The following SYNPR variants were observed in gnomAD, a reference collection of about 807,000 sequenced individuals.
SYNPR encodes synaptoporin.
In SYNPR, 23 loss-of-function variants were observed where a neutral mutation model predicts 32.9. The observed-to-expected ratio is 0.70, with a 90% CI of 0.50 to 0.99. The LOEUF is 0.99. Ranked by LOEUF, SYNPR falls within the 50% of genes least tolerant of loss-of-function variation. The pLI is 0.00. For missense variants in SYNPR, 318 were observed against 349.3 expected (o/e 0.91, Z 0.71); for synonymous variants, 146 against 135.9 (o/e 1.07, Z -0.52).
At chr3:63,303,164 G>A (rs2086874857) in intron 2 of SYNPR, among the ~76,000 whole-genome samples, 1 of 151,554 alleles carries the variant, frequency 6.6e-6, no homozygotes, top group Non-Finnish European at 1.5e-5. Flanking sequence ...ATTCTACCTG[G>A]TAATTCTGAA....
intron 3 of SYNPR, among the ~76,000 whole-genome samples, chr3:63,498,454 T>C (rs559176226): frequency 1.3e-5 from 2 of 152,210 alleles, no homozygotes; most frequent in Admixed American, 6.5e-5. Context: ...AGACCAAGAC[T>C]GTGTCAGATT....
chr3:63,340,296 C>G (rs2087348055), intron 2 of SYNPR, among the ~76,000 whole-genome samples: 1 of 151,574 alleles, frequency 6.6e-6, no homozygotes, highest in Admixed American at 6.6e-5. Flanking sequence ...TTTGTGTGGC[C>G]ATAAGATTTT....
At chr3:63,234,882 T>C (rs573188917) in intron 1 of SYNPR, among the ~76,000 whole-genome samples, 9 of 152,356 alleles carry the variant, frequency 5.9e-5, no homozygotes, top group African/African-American at 2.2e-4. Flanking sequence ...GGCTCTATCA[T>C]ATTTTAAATG....
At chr3:63,356,417 G>C (rs998327159) in intron 2 of SYNPR, among the ~76,000 whole-genome samples, 1 of 152,178 alleles carries the variant, frequency 6.6e-6, no homozygotes, top group Non-Finnish European at 1.5e-5. Context: ...TAGACAGTAT[G>C]GTAAGTGCTT....
chr3:63,311,849 C>A (rs1230407428), intron 2 of SYNPR, among the ~76,000 whole-genome samples: 7 of 151,864 alleles, frequency 4.6e-5, no homozygotes, highest in Admixed American at 3.3e-4. Flanking sequence ...AAATTTAATA[C>A]CCTATTGAAC....
At chr3:63,392,764 T>G (rs570120727) in intron 2 of SYNPR, among the ~76,000 whole-genome samples, 3 of 152,294 alleles carry the variant, frequency 2.0e-5, no homozygotes, top group East Asian at 3.9e-4. Flanking sequence ...AAGACACATT[T>G]TCTTTTTTAT....
intron 4 of SYNPR, among the ~76,000 whole-genome samples, chr3:63,570,667 CA>C (rs1333540573): frequency 6.6e-6 from 1 of 152,148 alleles, no homozygotes; most frequent in African/African-American, 2.4e-5. Context: ...TCCTTATCCC[CA>C]AAGATATGTG....
At chr3:63,502,125 TA>T (rs1488176871) in intron 3 of SYNPR, among the ~76,000 whole-genome samples, 4 of 152,326 alleles carry the variant, frequency 2.6e-5, no homozygotes, top group African/African-American at 9.6e-5. Context: ...TGTTTCTTTT[TA>T]TTTTTTTAAT....
chr3:63,607,318 T>C (rs1368305435), intron 4 of SYNPR, among the ~76,000 whole-genome samples: 3 of 152,206 alleles, frequency 2.0e-5, no homozygotes, highest in Non-Finnish European at 2.9e-5. Flanking sequence ...AGGTACCAGA[T>C]TGAACATGAA....
chr3:63,377,975 A>G lies in SYNPR; in HGVS notation c.84+99233A>G, dbSNP rs1172327903. Among the ~76,000 whole-genome samples the G allele has an allele frequency of 2.6e-5, 4 of 152,112 alleles. No homozygotes were observed. In the East Asian group the frequency reaches 7.7e-4, roughly 29 times the overall value. On this transcript the variant is annotated intron_variant, in intron 2 of 5. Transcript: ENST00000478300. ...ATAAAAATTCAGATTATGAATTTTT[A>G]GTGTTGACCTATAAATTCATATTGC...
intron 3 of SYNPR, among the ~76,000 whole-genome samples, chr3:63,535,350 G>C (rs532386310): frequency 2.0e-5 from 3 of 152,128 alleles, no homozygotes; most frequent in African/African-American, 7.2e-5. Context: ...CAGCATAAAA[G>C]GCCTTTTGAT....
chr3:63,530,481 G>A (rs986257803), intron 3 of SYNPR, among the ~76,000 whole-genome samples: 4 of 152,192 alleles, frequency 2.6e-5, no homozygotes, highest in African/African-American at 9.7e-5. Flanking sequence ...AGCCTCTCAG[G>A]ATTGTTAACA....
chr3:63,448,954 C>A (rs888405420), intron 2 of SYNPR, among the ~76,000 whole-genome samples: 9 of 152,096 alleles, frequency 5.9e-5, no homozygotes, highest in African/African-American at 2.2e-4. Flanking sequence ...CACTTATTTA[C>A]TGATGTGATT....
intron 3 of SYNPR, among the ~76,000 whole-genome samples, chr3:63,553,991 G>A (rs934126832): frequency 1.3e-5 from 2 of 152,194 alleles, no homozygotes; most frequent in African/African-American, 4.8e-5. Flanking sequence ...CAAAGTGCTG[G>A]GATTACAGGC....
chr3:63,343,265 C>T (rs1364476495), intron 2 of SYNPR, among the ~76,000 whole-genome samples: 1 of 152,182 alleles, frequency 6.6e-6, no homozygotes, highest in Non-Finnish European at 1.5e-5. Flanking sequence ...AACAGCTTTT[C>T]ATGGTTTTAA....
chr3:63,569,587 G>A (rs1702850684), intron 4 of SYNPR, among the ~76,000 whole-genome samples: 1 of 152,248 alleles, frequency 6.6e-6, no homozygotes, highest in Non-Finnish European at 1.5e-5. Flanking sequence ...AATTCAAGCT[G>A]TGTTTAAGTA....
chr3:63,516,868 A>C (rs559215736), intron 3 of SYNPR, among the ~76,000 whole-genome samples: 1 of 152,298 alleles, frequency 6.6e-6, no homozygotes, highest in African/African-American at 2.4e-5. Context: ...TCATGTTTTC[A>C]TTAGAATCCT....
upstream of SYNPR, among the ~76,000 whole-genome samples, chr3:63,275,282 G>A (rs1051523795): frequency 2.6e-5 from 4 of 152,308 alleles, no homozygotes; most frequent in South Asian, 6.2e-4. Context: ...GAATACAGAG[G>A]TTCTAACCCA....
chr3:63,291,091 T>C (rs2086734223), intron 2 of SYNPR, among the ~76,000 whole-genome samples: 1 of 152,154 alleles, frequency 6.6e-6, no homozygotes, highest in African/African-American at 2.4e-5. Flanking sequence ...ATAGAGATTA[T>C]TATTGTGATT....
Sources: allele counts gnomAD v4.1 joint callset (sites outside exome capture counted in the v4.1 genomes callset), GRCh38; gene constraint gnomAD v4.1.1; transcripts MANE v1.5; gene names NCBI Gene and HGNC (gene_info 2026-07-23, HGNC 2026-07-21).